The following CPAMD8 variants were observed in gnomAD, a reference collection of about 807,000 sequenced individuals.
CPAMD8 encodes the protein C3 and PZP like alpha-2-macroglobulin domain containing 8.
CPAMD8 carries 146 observed loss-of-function variants against 224.7 expected under a neutral mutation model. The ratio of observed to expected loss-of-function variants is 0.65; its 90% CI spans 0.57 to 0.75. CPAMD8 has a LOEUF of 0.75. Ranked by LOEUF, CPAMD8 falls within the 30% of genes least tolerant of loss-of-function variation. The probability of loss-of-function intolerance (pLI) is 0.00; values close to 1 mark genes in which losing one functional copy is unlikely to be tolerated. For synonymous variants in CPAMD8, 966 were observed against 1,044.6 expected (o/e 0.92, Z 1.45); for missense variants, 2,301 against 2,537.5 (o/e 0.91, Z 2.00).
chr19:16,994,841 C>T (rs2056075998), intron 11 of CPAMD8, among the ~76,000 whole-genome samples: 1 of 152,112 alleles, frequency 6.6e-6, no homozygotes, highest in Non-Finnish European at 1.5e-5. Context: ...CTGGATCTCA[C>T]TATGTTGCCC....
intron 17 of CPAMD8, among the ~76,000 whole-genome samples, chr19:16,972,118 AC>A (rs1448565131): frequency 6.6e-6 from 1 of 152,170 alleles, no homozygotes; most frequent in Non-Finnish European, 1.5e-5. Context: ...TTGGCGCAGT[AC>A]CTGACCCCAA....
At chr19:16,925,406 C>G (rs1568482870) in intron 25 of CPAMD8, 34 bp from the exon 26 acceptor site, 1 of 1,559,752 alleles carries the variant, frequency 6.4e-7, no homozygotes, top group East Asian at 2.2e-5. Context: ...GAGTTGGGGG[C>G]TGTCCCAGTT....
In CPAMD8 at chr19:16,896,604, T is replaced by C; in HGVS notation, c.5127A>G (p.Arg1709=). The C allele has an allele frequency of 6.6e-7, 1 of 1,506,562 alleles. No individual in the cohort carries two copies. The highest frequency in any genetic ancestry group is 8.8e-7 in the Non-Finnish European group (1 of 1,133,574). 93.3% of individuals were successfully genotyped at this position (1,506,562 alleles called of 1,614,324 possible). Residue 1709 remains arginine, a synonymous_variant, in exon 40 of 42, where the codon CGA becomes CGG. Coordinates refer to ENST00000443236, the MANE Select transcript of CPAMD8 (RefSeq NM_015692.5). ...CGCCGCAGTCGTGGTCGCAGCCGCA[T>C]CGCGCGATCGCCGCCCCCTCCTCAG... ...VAPEEGAAIA[R]CGCDHDCGAQ...
chr19:17,023,864 A>G (rs1467664830), intron 1 of CPAMD8, among the ~76,000 whole-genome samples: 2 of 152,122 alleles, frequency 1.3e-5, no homozygotes, highest in East Asian at 3.9e-4. Context: ...TTACAGGCCC[A>G]CTGCACCTGG....
chr19:16,950,254 C>T (rs191666210), intron 20 of CPAMD8, among the ~76,000 whole-genome samples: 1,671 of 152,084 alleles, frequency 0.011, 26 homozygotes, highest in African/African-American at 0.038. Flanking sequence ...GCCAAGATCA[C>T]GCCACTGCAC....
At chr19:16,979,869 G>A (rs535091757) in intron 14 of CPAMD8, among the ~76,000 whole-genome samples, 1 of 152,136 alleles carries the variant, frequency 6.6e-6, no homozygotes, top group African/African-American at 2.4e-5. Context: ...CTATCTCAGT[G>A]TCCTCACCTG....
Position 16,952,032 on chromosome 19 carries a change from G to C in CPAMD8, c.2445C>G (p.Ile815Met). The C allele has an allele frequency of 6.3e-7, 1 of 1,584,692 alleles. No individual in the cohort carries two copies. Among genetic ancestry groups the C allele is most frequent in the Non-Finnish European group, 8.6e-7 (1 of 1,163,932 alleles). Residue 815 changes from isoleucine to methionine, a missense_variant, in exon 20 of 42, where the codon ATC becomes ATG. By Grantham distance (10) the Ile-to-Met change is conservative. This residue lies in a region of CPAMD8 where 1,709 missense variants were observed against 1,753.2 expected (regional missense o/e 0.97). Coordinates refer to ENST00000443236, the MANE Select transcript of CPAMD8 (RefSeq NM_015692.5). ...FFVDFMLPAL[I>M]IRGEQVKIPL... ...GGATCTTGACCTGCTCCCCACGGAT[G>C]ATGAGAGCGGGGAGCATGAAGTCCA...
At chr19:16,952,235 T>G in intron 19 of CPAMD8, 35 bp from the exon 20 acceptor site, 12 of 1,213,070 alleles carry the variant, frequency 9.9e-6, no homozygotes, top group Non-Finnish European at 1.3e-5. Context: ...TGGGGGGCCC[T>G]TCTCCAGGGC....
intron 36 of CPAMD8, among the ~76,000 whole-genome samples, chr19:16,900,760 C>T (rs2144720209): frequency 6.6e-6 from 1 of 152,006 alleles, no homozygotes; most frequent in South Asian, 2.1e-4. Flanking sequence ...GTCTGTAACC[C>T]CAGCACTTTG....
intron 27 of CPAMD8, among the ~76,000 whole-genome samples, chr19:16,915,859 T>G (rs1472407837): frequency 6.8e-6 from 1 of 148,056 alleles, no homozygotes; most frequent in Non-Finnish European, 1.5e-5. Context: ...CCTCCCTCCC[T>G]CTTCCTTTCT....
intron 14 of CPAMD8, among the ~76,000 whole-genome samples, chr19:16,979,551 T>C (rs12611416): frequency 0.49 from 73,418 of 149,978 alleles, 21,012 homozygotes; most frequent in African/African-American, 0.81. Flanking sequence ...TTCATCCATC[T>C]ATCCACCTAT....
chr19:16,918,071 C>T (rs1407647619), intron 27 of CPAMD8, among the ~76,000 whole-genome samples: 1 of 151,850 alleles, frequency 6.6e-6, no homozygotes, highest in Admixed American at 6.6e-5. Flanking sequence ...TCTCGGCTCA[C>T]TGCAATCTCT....
intron 11 of CPAMD8, among the ~76,000 whole-genome samples, chr19:16,995,021 G>A (rs528341905): frequency 3.3e-5 from 5 of 152,274 alleles, no homozygotes; most frequent in South Asian, 4.1e-4. Context: ...TATGTGAAAC[G>A]CTCTTTACCA....
Position 16,980,568 on chromosome 19 carries a change from G to C in CPAMD8, c.1514C>G (p.Thr505Ser). The C allele has an allele frequency of 6.2e-7, 1 of 1,613,998 alleles. No individual in the cohort carries two copies. Among genetic ancestry groups the C allele is most frequent in the Non-Finnish European group, 8.5e-7 (1 of 1,179,956 alleles). The part of the protein sequence containing the change: ...VLSGQQPAHT[T>S]QQRSKRAAPA... ...GGCCGCCCGCTTGCTTCGCTGCTGG[G>C]TGGTGTGGGCAGGCTGCTGGCCCGA... The change falls in exon 14 of 42, where the codon ACC becomes AGC. Residue 505 changes from threonine to serine, a missense_variant. Around this residue, in one of 4 missense-constraint regions of CPAMD8, gnomAD observed 301 missense variants for 406.6 expected, o/e 0.74. Transcript: ENST00000443236.
chr19:17,015,213 G>A (rs1368733317), intron 3 of CPAMD8, among the ~76,000 whole-genome samples: 1 of 152,180 alleles, frequency 6.6e-6, no homozygotes, highest in East Asian at 1.9e-4. Flanking sequence ...CTGCACTCCA[G>A]CCTAGGTGAC....
At chr19:17,013,368 C>T (rs941752816) in intron 3 of CPAMD8, 6 of 151,536 alleles carry the variant, frequency 4.0e-5, no homozygotes, top group African/African-American at 1.5e-4. Context: ...AAAAATTAGC[C>T]AGGTGTGTGT....
At chr19:16,915,360 G>T (rs2052908553) in intron 27 of CPAMD8, among the ~76,000 whole-genome samples, 1 of 152,020 alleles carries the variant, frequency 6.6e-6, no homozygotes, top group Admixed American at 6.6e-5. Flanking sequence ...ACCATGAGGG[G>T]TGCAGCCATG....
chr19:16,987,512 C>T (rs1027890932), intron 13 of CPAMD8, among the ~76,000 whole-genome samples: 1 of 151,890 alleles, frequency 6.6e-6, no homozygotes, highest in African/African-American at 2.4e-5. Flanking sequence ...CGCCTGCCAG[C>T]GTAAGAAAAT....
chr19:16,946,740 CGT>C (rs1243074496), intron 21 of CPAMD8, among the ~76,000 whole-genome samples: 8 of 119,692 alleles, frequency 6.7e-5, no homozygotes, highest in Admixed American at 8.2e-5. Flanking sequence ...CACATGTGGA[CGT>C]GTGTGTGTGG....
Sources: gnomAD v4.1 joint callset for allele counts (sites outside exome capture counted in the v4.1 genomes callset) on GRCh38, gnomAD v4.1.1 for gene constraint, gnomAD v4.1.1 regional missense constraint, MANE v1.5 for transcripts, NCBI Gene and HGNC (gene_info 2026-07-23, HGNC 2026-07-21) for gene names.